DNAJC2: variants seen among roughly 807,000 people sequenced by gnomAD.
DNAJC2 encodes the protein DnaJ heat shock protein family (Hsp40) member C2.
Under a neutral mutation model 94.0 loss-of-function variants are expected in DNAJC2, and 32 were observed. The observed-to-expected ratio is 0.34, with a 90% CI of 0.26 to 0.46. The LOEUF (loss-of-function observed/expected upper bound fraction) is 0.46. DNAJC2 is among the 20% of genes least tolerant of loss of function. The probability of loss-of-function intolerance (pLI) is 1.00; values close to 1 mark genes in which losing one functional copy is unlikely to be tolerated. For synonymous variants in DNAJC2, 210 were observed against 229.7 expected (o/e 0.91, Z 0.77); for missense variants, 550 against 719.5 (o/e 0.76, Z 2.69).
Position 103,341,856 on chromosome 7 carries a change from C to A in DNAJC2, c.163G>T (p.Asp55Tyr), listed in dbSNP as rs1043934977. ...GATTCCTCGGATAACTCTTTCTTAT[C>A]CTCCAGTTCCTGAAAAGAGGCAGAA... is the stretch of plus-strand genomic sequence containing the variant. ...NASASFQELE[D>Y]KKELSEESED... Residue 55 changes from aspartate (D) to tyrosine (Y), a missense_variant, in exon 2 of 17, where the codon GAT (aspartate) becomes TAT (tyrosine). By Grantham distance (160) the Asp-to-Tyr change is radical (BLOSUM62 -3). Around this residue, in one of 2 missense-constraint regions of DNAJC2, gnomAD observed 279 missense variants for 416.9 expected, o/e 0.67. Transcript: ENST00000379263. 7 of 1,613,128 alleles carry A rather than the reference C, an allele frequency of 4.3e-6. No homozygotes were observed. The highest frequency in any genetic ancestry group is 5.9e-6 in the Non-Finnish European group (7 of 1,179,780).
At chr7:103,323,945 G>A (rs968913133) in intron 6 of DNAJC2, among the ~76,000 whole-genome samples, 1 of 152,046 alleles carries the variant, frequency 6.6e-6, no homozygotes, top group Non-Finnish European at 1.5e-5. Flanking sequence ...CTTCAATTTC[G>A]CTAGTCTGTC....
At position 103,312,564 on chromosome 7, in the gene DNAJC2, G is replaced by A; in HGVS notation, c.*5C>T. ...ATTATAAAAATGCACACACAACAAA[G>A]ATTGTCATTTCTTGGCTCTACTTGC... On this transcript the variant is annotated 3_prime_UTR_variant, in exon 17 of 17. Transcript: ENST00000379263. 6.2e-7 allele frequency: 1 copy of A among 1,610,716 alleles called. No homozygotes were observed. The highest frequency in any genetic ancestry group is 8.5e-7 in the Non-Finnish European group (1 of 1,179,124).
At chr7:103,324,783 A>G (rs904779650) in intron 5 of DNAJC2, 2 of 301,856 alleles carry the variant, frequency 6.6e-6, no homozygotes, top group East Asian at 1.4e-4. Context: ...GGGTGAGGAG[A>G]GAAACAACGG....
Position 103,324,480 on chromosome 7 carries a change from AC to A in DNAJC2, c.653+1del. On this transcript the variant is annotated splice_donor_variant, in intron 6 of 16. Transcript: ENST00000379263. LOFTEE classifies it high-confidence loss of function. Reference sequence around the variant, plus strand: ...CATCATACAAACAGTATATTCACTTACCAGAAAGAATAAAATATATCTACAT... The same window carrying A: ...CATCATACAAACAGTATATTCACTTACAGAAAGAATAAAATATATCTACAT... 1 of 1,490,696 alleles carries A rather than the reference AC, an allele frequency of 6.7e-7. No homozygotes were observed. The highest frequency in any genetic ancestry group is 9.0e-7 in the Non-Finnish European group (1 of 1,106,752). The allele number at this position is 1,490,696 out of a possible 1,614,324, so 92.3% of individuals were successfully genotyped here.
intron 15 of DNAJC2, 92 bp from the exon 16 acceptor site, chr7:103,313,193 C>T: frequency 6.8e-7 from 1 of 1,471,654 alleles, no homozygotes; most frequent in East Asian, 2.4e-5. Flanking sequence ...GTGCCCATTT[C>T]AATCTGGGAT....
At chr7:103,331,022 A>C (rs184332751) in intron 3 of DNAJC2, among the ~76,000 whole-genome samples, 1 of 151,902 alleles carries the variant, frequency 6.6e-6, no homozygotes, top group African/African-American at 2.4e-5. Context: ...GCAATGGCAC[A>C]ATCTTGGCTC....
chr7:103,329,037 G>C (rs1310740247), intron 3 of DNAJC2: 3 of 1,238,140 alleles, frequency 2.4e-6, no homozygotes, highest in East Asian at 6.1e-5. Flanking sequence ...CACAGCCTCA[G>C]CCACAGTACG....
intron 2 of DNAJC2, among the ~76,000 whole-genome samples, chr7:103,341,549 A>G (rs1165005941): frequency 6.6e-6 from 1 of 152,180 alleles, no homozygotes; most frequent in Non-Finnish European, 1.5e-5. Flanking sequence ...CGGTGCAAAC[A>G]TTATCTTTTC....
At position 103,337,754 on chromosome 7, in the gene DNAJC2, T is replaced by C. The variant is rs1322356997; in HGVS notation, c.313A>G (p.Arg105Gly). 1.1e-5 allele frequency: 18 copies of C among 1,613,690 alleles called. No individual in the cohort carries two copies. Among genetic ancestry groups the C allele is most frequent in the Non-Finnish European group, 1.4e-5 (16 of 1,179,876 alleles). The part of the protein sequence containing the change: ...LGHVRYKATQ[R>G]QIKAAHKAMV... ...TACTTACGAGCTGCTTTGATCTGTC[T>C]CTGTGTAGCCTTGTATCTCACATGG... Residue 105 changes from arginine to glycine, a missense_variant, in exon 3 of 17, where the codon AGA (arginine) becomes GGA (glycine). By Grantham distance (125) the Arg-to-Gly change is moderately radical. Transcript: ENST00000379263.
At chr7:103,342,300 T>A (rs1317359445) in intron 1 of DNAJC2, among the ~76,000 whole-genome samples, 1 of 151,478 alleles carries the variant, frequency 6.6e-6, no homozygotes, top group Non-Finnish European at 1.5e-5. Flanking sequence ...AAATTATTTA[T>A]TTTTTTACTT....
At chr7:103,319,985 G>A in intron 10 of DNAJC2, 141 bp from the exon 11 acceptor site, 1 of 788,140 alleles carries the variant, frequency 1.3e-6, no homozygotes, top group Non-Finnish European at 2.1e-6. Flanking sequence ...AGCAAACTGA[G>A]ATCACGCCAC....
intron 10 of DNAJC2, chr7:103,320,732 A>T (rs1478388002): frequency 7.3e-6 from 1 of 137,520 alleles, no homozygotes; most frequent in Admixed American, 7.3e-5. Flanking sequence ...CGACAGAGCA[A>T]GACTCTGTCA....
chr7:103,328,008 C>T (rs1818797378), intron 3 of DNAJC2, among the ~76,000 whole-genome samples: 1 of 152,100 alleles, frequency 6.6e-6, no homozygotes, highest in African/African-American at 2.4e-5. Flanking sequence ...GCAACCTCCG[C>T]CTCCCGGGTT....
intron 2 of DNAJC2, among the ~76,000 whole-genome samples, chr7:103,341,378 T>G (rs1003815812): frequency 3.3e-5 from 5 of 152,214 alleles, no homozygotes; most frequent in Non-Finnish European, 5.9e-5. Context: ...GACACTAGAT[T>G]TCTCATCACC....
intron 15 of DNAJC2, 153 bp from the exon 16 acceptor site, chr7:103,313,254 T>A (rs1395016380): frequency 7.3e-7 from 1 of 1,363,136 alleles, no homozygotes; most frequent in African/African-American, 1.5e-5. Flanking sequence ...TATAGCCCTC[T>A]GAGTGTTAAT....
At chr7:103,313,677 A>C (rs1231357624) in intron 15 of DNAJC2, 1 of 985,308 alleles carries the variant, frequency 1.0e-6, no homozygotes, top group African/African-American at 1.7e-5. Flanking sequence ...CACATCTGCT[A>C]AAATCTTGGG....
intron 3 of DNAJC2, among the ~76,000 whole-genome samples, chr7:103,331,923 A>C (rs1818989945): frequency 6.6e-6 from 1 of 152,100 alleles, no homozygotes; most frequent in Non-Finnish European, 1.5e-5. Context: ...TTTTTGAGAA[A>C]TCTCCATACT....
At chr7:103,337,713 T>A in intron 3 of DNAJC2, 23 bp downstream of exon 3, 2 of 1,585,404 alleles carry the variant, frequency 1.3e-6, no homozygotes, top group Non-Finnish European at 1.7e-6. Flanking sequence ...TATTTGATTA[T>A]TTCAAAATAA....
In DNAJC2 at chr7:103,337,815, G is replaced by A. The variant is rs1586112067; in HGVS notation, c.256-4C>T. 1 of 1,605,758 alleles carries A rather than the reference G, an allele frequency of 6.2e-7. No individual in the cohort carries two copies. The highest frequency in any genetic ancestry group is 8.5e-7 in the Non-Finnish European group (1 of 1,176,500). ...GAACTGCATAATGATCTTGGTTCTG[G>A]AAAAAAAACACAAAAGGGAGTCAAA... is the stretch of plus-strand genomic sequence containing the variant. On this transcript the variant is annotated splice_polypyrimidine_tract_variant and splice_region_variant and intron_variant, in intron 2 of 16. Coordinates refer to ENST00000379263, the MANE Select transcript of DNAJC2 (RefSeq NM_014377.3).
Sources: gnomAD v4.1 joint callset for allele counts (sites outside exome capture counted in the v4.1 genomes callset) on GRCh38, gnomAD v4.1.1 for gene constraint, gnomAD v4.1.1 regional missense constraint, MANE v1.5 for transcripts, NCBI Gene and HGNC (gene_info 2026-07-23, HGNC 2026-07-21) for gene names.